The following KCNC2 variants were observed in gnomAD, a reference collection of about 807,000 sequenced individuals.
KCNC2 encodes the protein voltage-gated potassium channel KCNC2.
A neutral mutation model predicts 44.5 loss-of-function variants in KCNC2; 21 were observed. The observed-to-expected ratio is 0.47, with a 90% CI of 0.33 to 0.68. The LOEUF is 0.68. KCNC2 is among the 30% of genes least tolerant of loss of function. The probability of loss-of-function intolerance (pLI) is 0.01; values close to 1 mark genes in which losing one functional copy is unlikely to be tolerated. For missense variants in KCNC2, 589 were observed against 826.2 expected, an observed-to-expected ratio of 0.71 and a Z score of 3.52; for synonymous variants, 391 against 339.1, an observed-to-expected ratio of 1.15 and a Z score of -1.68.
At chr12:75,201,485 T>C (rs2031273269) in intron 2 of KCNC2, among the ~76,000 whole-genome samples, 1 of 151,692 alleles carries the variant, frequency 6.6e-6, no homozygotes, top group Non-Finnish European at 1.5e-5. Context: ...TGGGTTTTAT[T>C]TTTCAGAATA....
chr12:75,126,681 A>G (rs1888449476), intron 2 of KCNC2, among the ~76,000 whole-genome samples: 2 of 152,170 alleles, frequency 1.3e-5, no homozygotes, highest in African/African-American at 4.8e-5. Flanking sequence ...GAGTCTGAAA[A>G]TGAAGGGTCT....
chr12:75,159,393 G>A (rs1053872755), intron 2 of KCNC2, among the ~76,000 whole-genome samples: 2 of 151,856 alleles, frequency 1.3e-5, no homozygotes, highest in African/African-American at 4.8e-5. Flanking sequence ...CTTAAGTTAA[G>A]ATAAAACTTA....
intron 2 of KCNC2, among the ~76,000 whole-genome samples, chr12:75,142,213 G>A (rs974935337): frequency 3.3e-5 from 5 of 152,076 alleles, no homozygotes; most frequent in Admixed American, 1.3e-4. Context: ...ACTTTAAATG[G>A]CTAACCTAAG....
At chr12:75,093,822 T>C (rs1457568494) in intron 2 of KCNC2, among the ~76,000 whole-genome samples, 1 of 151,686 alleles carries the variant, frequency 6.6e-6, no homozygotes, top group Non-Finnish European at 1.5e-5. Flanking sequence ...GAAACATAGG[T>C]CTACTGACCA....
intron 2 of KCNC2, among the ~76,000 whole-genome samples, chr12:75,203,763 GAGAA>G (rs1327739591): frequency 7.9e-5 from 12 of 151,914 alleles, no homozygotes; most frequent in African/African-American, 2.9e-4. Flanking sequence ...GTGAAAAGAA[GAGAA>G]AGAGAAACTT....
At chr12:75,191,418 A>G (rs2030198946) in intron 2 of KCNC2, among the ~76,000 whole-genome samples, 1 of 150,402 alleles carries the variant, frequency 6.6e-6, no homozygotes, top group Non-Finnish European at 1.5e-5. Flanking sequence ...ATTTAAGAAA[A>G]CTTTTTGTTT....
intron 2 of KCNC2, among the ~76,000 whole-genome samples, chr12:75,166,912 C>A (rs1312165856): frequency 6.6e-6 from 1 of 150,832 alleles, no homozygotes; most frequent in African/African-American, 2.4e-5. Context: ...AGCAAATAAG[C>A]CCAAAGCAGG....
rs1272828850 is a variant in KCNC2, at chr12:75,105,314, T to C, written c.688-53997A>G. Among the ~76,000 whole-genome samples, 4 of 152,258 alleles carry C rather than the reference T, an allele frequency of 2.6e-5. No homozygotes were observed. In the East Asian group the frequency reaches 5.8e-4, roughly 22 times the overall value. On this transcript the variant is annotated intron_variant, in intron 2 of 4. Transcript: ENST00000549446. Reference sequence around the variant, plus strand: ...AAAAATGCTTAACTCATGAATTACATAGTAAGAAGTCCAGTGTGTCAGAAA... The same window carrying C: ...AAAAATGCTTAACTCATGAATTACACAGTAAGAAGTCCAGTGTGTCAGAAA...
intron 2 of KCNC2, among the ~76,000 whole-genome samples, chr12:75,058,300 G>A (rs185668585): frequency 7.6e-4 from 115 of 151,240 alleles, no homozygotes; most frequent in African/African-American, 2.5e-3. Flanking sequence ...TTTCAAAATT[G>A]CAATTATTTA....
rs3073537 is a variant in KCNC2 at position 75,177,032 on chromosome 12, T to TTATATATATATATATATA, written c.687+30247_687+30264dup. On this transcript the variant is annotated intron_variant, in intron 2 of 4. Transcript: ENST00000549446. ...GGTAAGTGAAGTGATGCTGCAAGTT[T>TTATATATATATATATATA]TATATATATATATATATATATATAT... 5.4e-4 allele frequency among the ~76,000 whole-genome samples: 76 copies of TTATATATATATATATATA among 139,888 alleles called. 1 individual carries two copies. The highest frequency in any genetic ancestry group is 2.0e-3 in the African/African-American group (72 of 36,878). The allele number at this position is 139,888 out of a possible 152,430, so 91.8% of individuals were successfully genotyped here.
chr12:75,093,481 A>G (rs1885663300), intron 2 of KCNC2, among the ~76,000 whole-genome samples: 1 of 151,582 alleles, frequency 6.6e-6, no homozygotes, highest in Non-Finnish European at 1.5e-5. Context: ...CTAATTGACC[A>G]CCCATGCATC....
chr12:75,176,902 CG>C (rs1565665682), intron 2 of KCNC2, among the ~76,000 whole-genome samples: 1 of 151,530 alleles, frequency 6.6e-6, no homozygotes, highest in East Asian at 1.9e-4. Flanking sequence ...ATTTCAATAG[CG>C]TTCTCAATAA....
intron 2 of KCNC2, among the ~76,000 whole-genome samples, chr12:75,079,868 C>G (rs1012847984): frequency 6.6e-6 from 1 of 152,100 alleles, no homozygotes; most frequent in African/African-American, 2.4e-5. Flanking sequence ...GGTACCAAAA[C>G]ATTATCTTCA....
At chr12:75,043,840 A>C in intron 4 of KCNC2, 1 of 1,227,888 alleles carries the variant, frequency 8.1e-7, no homozygotes, top group Non-Finnish European at 1.1e-6. Context: ...AAAGGAAAAA[A>C]AAAGAAAATG....
At chr12:75,114,746 A>G (rs1347881666) in intron 2 of KCNC2, among the ~76,000 whole-genome samples, 1 of 151,514 alleles carries the variant, frequency 6.6e-6, no homozygotes, top group Non-Finnish European at 1.5e-5. Flanking sequence ...ACTATTTTAT[A>G]GTTCTCTCCC....
chr12:75,168,508 G>A (rs976788090), intron 2 of KCNC2, among the ~76,000 whole-genome samples: 1 of 151,336 alleles, frequency 6.6e-6, no homozygotes, highest in Non-Finnish European at 1.5e-5. Flanking sequence ...CAATTGCATA[G>A]TTTCTATATG....
intron 2 of KCNC2, among the ~76,000 whole-genome samples, chr12:75,132,446 T>C (rs991242070): frequency 2.0e-5 from 3 of 152,170 alleles, no homozygotes; most frequent in African/African-American, 7.2e-5. Context: ...CATGGGTTTA[T>C]GGATGTTCAC....
chr12:75,043,905 A>T (rs1391953652), intron 4 of KCNC2: 1 of 779,616 alleles, frequency 1.3e-6, no homozygotes, highest in East Asian at 3.0e-5. Flanking sequence ...ATTTGATTAC[A>T]TGATGTTTTC....
At chr12:75,074,248 T>C (rs1011934672) in intron 2 of KCNC2, among the ~76,000 whole-genome samples, 1 of 149,902 alleles carries the variant, frequency 6.7e-6, no homozygotes, top group African/African-American at 2.5e-5. Context: ...TTTTTTTTTT[T>C]TTTTTTTGGC....
Sources: allele counts gnomAD v4.1 joint callset (sites outside exome capture counted in the v4.1 genomes callset), GRCh38; gene constraint gnomAD v4.1.1; transcripts MANE v1.5; gene names NCBI Gene and HGNC (gene_info 2026-07-23, HGNC 2026-07-21).